The following RABEP1 variants were observed in gnomAD, a reference collection of about 807,000 sequenced individuals.
The protein encoded by RABEP1 is rabaptin, RAB GTPase binding effector protein 1.
RABEP1 carries 51 observed loss-of-function variants against 123.4 expected under a neutral mutation model. That is an observed-to-expected ratio of 0.41 (90% CI 0.33 to 0.52). RABEP1 has a LOEUF of 0.52. Among genes scored for constraint, RABEP1 ranks in the 20% least tolerant of loss-of-function variants. RABEP1 has a pLI of 0.16. For missense variants in RABEP1, 888 were observed against 996.3 expected (o/e 0.89, Z 1.46); for synonymous variants, 347 against 355.2 (o/e 0.98, Z 0.26).
At chr17:5,331,710 A>AT (rs1365252857) in intron 2 of RABEP1, among the ~76,000 whole-genome samples, 1 of 152,178 alleles carries the variant, frequency 6.6e-6, no homozygotes. Flanking sequence ...GACCAAGTTC[A>AT]TTTAGTCAGC....
chr17:5,288,534 T>G (rs2144439543), intron 1 of RABEP1, among the ~76,000 whole-genome samples: 1 of 152,188 alleles, frequency 6.6e-6, no homozygotes, highest in African/African-American at 2.4e-5. Flanking sequence ...TAGCTGGGAT[T>G]ACAGGCATGT....
intron 16 of RABEP1, among the ~76,000 whole-genome samples, chr17:5,381,060 A>G (rs1422781564): frequency 5.9e-5 from 9 of 152,096 alleles, no homozygotes; most frequent in Admixed American, 5.9e-4. Context: ...GAAGTCCTGT[A>G]TGTATCCCTG....
chr17:5,358,002 C>A lies in RABEP1; in HGVS notation c.1096-3206C>A, dbSNP rs1003043598. On this transcript the variant is annotated intron_variant, in intron 8 of 17. Coordinates refer to ENST00000537505, the MANE Select transcript of RABEP1 (RefSeq NM_004703.6). ...GAACTGGCCCTGGGTTCATTTAGGG[C>A]AGGGGAAATACTGGCTCGGTGTGTG... 3.3e-5 allele frequency among the ~76,000 whole-genome samples: 5 copies of A among 152,040 alleles called. No individual in the cohort carries two copies. In the East Asian group the frequency reaches 9.7e-4, roughly 29 times the overall value.
chr17:5,365,221 G>A lies in RABEP1; in HGVS notation c.1768G>A (p.Glu590Lys), dbSNP rs757825581. 8 of 1,607,706 alleles carry A rather than the reference G, an allele frequency of 5.0e-6. No individual in the cohort carries two copies. Among genetic ancestry groups the A allele is most frequent in the South Asian group, 4.4e-5 (4 of 89,986 alleles). The change falls in exon 11 of 18, where the codon GAA becomes AAA. Residue 590 changes from glutamate (E) to lysine (K), a missense_variant. Physicochemically the swap from Glu to Lys is moderately conservative, Grantham distance 56 (BLOSUM62 1). Transcript: ENST00000537505. ...GGAAGACTTCATAAAGCAAAGCAGC[G>A]AAGATTCGAGTCACCAGGTAAGGGA... is the stretch of plus-strand genomic sequence containing the variant. ...ELEDFIKQSSEDSSHQISALV... is the reference protein window; with the variant it reads ...ELEDFIKQSSKDSSHQISALV...
At chr17:5,371,757 C>A (rs1910547484) in intron 12 of RABEP1, 1 of 152,202 alleles carries the variant, frequency 6.6e-6, no homozygotes, top group Admixed American at 6.6e-5. Flanking sequence ...CCCCTTTGTC[C>A]TTTTATCACT....
chr17:5,381,363 C>A, intron 16 of RABEP1, 26 bp from the exon 17 acceptor site: 1 of 1,603,756 alleles, frequency 6.2e-7, no homozygotes, highest in Non-Finnish European at 8.5e-7. Flanking sequence ...TGGCATTAAT[C>A]TTCATTCAAA....
intron 5 of RABEP1, 69 bp from the exon 6 acceptor site, chr17:5,346,721 A>G: frequency 7.7e-7 from 1 of 1,297,694 alleles, no homozygotes; most frequent in South Asian, 2.4e-5. Context: ...GCCAGAACTT[A>G]CCATCATTCT....
chr17:5,348,789 C>T (rs1017424338), intron 6 of RABEP1, among the ~76,000 whole-genome samples: 4 of 152,096 alleles, frequency 2.6e-5, no homozygotes, highest in African/African-American at 9.7e-5. Context: ...TCTCGATCCC[C>T]TGACCTCGTG....
Position 5,346,920 on chromosome 17 carries a change from A to G in RABEP1, c.779A>G (p.His260Arg), listed in dbSNP as rs755839113. The G allele has an allele frequency of 6.2e-7, 1 of 1,601,582 alleles. No individual in the cohort carries two copies. The highest frequency in any genetic ancestry group is 8.5e-7 in the Non-Finnish European group (1 of 1,173,618). Reference sequence around the variant, plus strand: ...GCTGAGAAACTGCGGAAAGAATTGCATGAAGGTAAATATACTGTATATTTT... The same window carrying G: ...GCTGAGAAACTGCGGAAAGAATTGCGTGAAGGTAAATATACTGTATATTTT... The part of the protein sequence containing the change: ...EDAEKLRKEL[H>R]EVCHLLEQER... Residue 260 changes from histidine to arginine, a missense_variant, in exon 6 of 18, where the codon CAT becomes CGT. Transcript: ENST00000537505.
At chr17:5,381,015 T>C (rs1353810313) in intron 16 of RABEP1, among the ~76,000 whole-genome samples, 2 of 152,204 alleles carry the variant, frequency 1.3e-5, no homozygotes, top group African/African-American at 4.8e-5. Context: ...TCACTAAGTT[T>C]CCTGGTGGAT....
chr17:5,372,288 C>CA (rs1350031330), intron 12 of RABEP1, among the ~76,000 whole-genome samples: 6 of 151,812 alleles, frequency 4.0e-5, no homozygotes, highest in African/African-American at 1.2e-4. Context: ...ACTAAAAATA[C>CA]AAAAAAATGA....
intron 11 of RABEP1, 78 bp downstream of exon 11, chr17:5,365,316 T>A (rs1909921086): frequency 9.9e-7 from 1 of 1,006,558 alleles, no homozygotes; most frequent in Non-Finnish European, 1.4e-6. Context: ...AATATAGTCA[T>A]GTTTTTTTTT....
chr17:5,372,163 G>A (rs1910572192), intron 12 of RABEP1, among the ~76,000 whole-genome samples: 1 of 152,054 alleles, frequency 6.6e-6, no homozygotes, highest in South Asian at 2.1e-4. Flanking sequence ...AAGCTTCTCT[G>A]GCTGGGTGCG....
chr17:5,364,981 TTC>T (rs1388302395), intron 10 of RABEP1, 139 bp from the exon 11 acceptor site: 2 of 590,776 alleles, frequency 3.4e-6, no homozygotes, highest in Non-Finnish European at 6.0e-6. Flanking sequence ...TTTATCTAAT[TTC>T]TGTCTGAATT....
At chr17:5,319,787 C>T (rs2075335531) in intron 2 of RABEP1, among the ~76,000 whole-genome samples, 1 of 151,872 alleles carries the variant, frequency 6.6e-6, no homozygotes, top group African/African-American at 2.4e-5. Context: ...ATGGATCAAG[C>T]AGAGGAAAGA....
intron 5 of RABEP1, 60 bp downstream of exon 5, chr17:5,338,198 C>G (rs76382837): frequency 0.026 from 38,938 of 1,511,548 alleles, 670 homozygotes; most frequent in Middle Eastern, 0.057. Context: ...ATGCCATGAA[C>G]AAAATTAGAA....
chr17:5,327,767 A>C (rs189411850), intron 2 of RABEP1, among the ~76,000 whole-genome samples: 120 of 152,356 alleles, frequency 7.9e-4, no homozygotes, highest in African/African-American at 2.7e-3. Flanking sequence ...AGACAAAAGT[A>C]GGCAAAACAG....
chr17:5,290,734 T>A (rs755681322), intron 1 of RABEP1, among the ~76,000 whole-genome samples: 1 of 152,118 alleles, frequency 6.6e-6, no homozygotes, highest in African/African-American at 2.4e-5. Flanking sequence ...CTGGAATTAC[T>A]CCGTGCTCAT....
chr17:5,317,326 T>C (rs1284906785), intron 2 of RABEP1, among the ~76,000 whole-genome samples: 2 of 152,092 alleles, frequency 1.3e-5, no homozygotes, highest in African/African-American at 4.8e-5. Context: ...CAGAGACACA[T>C]GATCATCTTA....
Sources: gnomAD v4.1 joint callset for allele counts (sites outside exome capture counted in the v4.1 genomes callset) on GRCh38, gnomAD v4.1.1 for gene constraint, MANE v1.5 for transcripts, NCBI Gene and HGNC (gene_info 2026-07-23, HGNC 2026-07-21) for gene names.